The following KAZN variants were observed in gnomAD, a reference collection of about 807,000 sequenced individuals.
The protein encoded by KAZN is kazrin, periplakin interacting protein.
Under a neutral mutation model 87.4 loss-of-function variants are expected in KAZN, and 40 were observed. The observed-to-expected ratio is 0.46, with a 90% CI of 0.36 to 0.60. The LOEUF is 0.60. Among genes scored for constraint, KAZN ranks in the 20% least tolerant of loss-of-function variants. KAZN has a pLI of 0.00. For missense variants in KAZN, 898 were observed against 1,073.9 expected, an observed-to-expected ratio of 0.84 and a Z score of 2.29; for synonymous variants, 466 against 458.3, an observed-to-expected ratio of 1.02 and a Z score of -0.22.
intron 2 of KAZN, among the ~76,000 whole-genome samples, chr1:14,290,933 G>C (rs1174479555): frequency 1.3e-5 from 2 of 152,188 alleles, no homozygotes; most frequent in Non-Finnish European, 2.9e-5. Flanking sequence ...CTAACAGTCA[G>C]GTCCCTCAGC....
chr1:14,312,858 C>G (rs1014576734), intron 2 of KAZN, among the ~76,000 whole-genome samples: 4 of 152,054 alleles, frequency 2.6e-5, no homozygotes, highest in Admixed American at 2.6e-4. Flanking sequence ...GATCCTCAGT[C>G]CTTAAAATAT....
intron 1 of KAZN, among the ~76,000 whole-genome samples, chr1:14,868,395 G>A (rs1651772971): frequency 6.6e-6 from 1 of 152,202 alleles, no homozygotes; most frequent in Admixed American, 6.5e-5. Context: ...CCTGGGATGG[G>A]AGCCATTTTA....
chr1:14,560,715 GATA>G lies in KAZN; in HGVS notation c.250-38265_250-38263del, dbSNP rs373846712. 1.5e-3 allele frequency among the ~76,000 whole-genome samples: 230 copies of G among 152,246 alleles called. 1 individual carries two copies. Among genetic ancestry groups the G allele is most frequent in the African/African-American group, 5.1e-3 (211 of 41,540 alleles). ...TAACAGTGGTGGTGGTGATGATGATGATAATGATGATGTGAAGAAGGAGAAGAT... is the reference window on the plus strand; with the variant it reads ...TAACAGTGGTGGTGGTGATGATGATGATGATGATGTGAAGAAGGAGAAGAT... On this transcript the variant is annotated intron_variant, in intron 2 of 16. Transcript: ENST00000636203.
intron 1 of KAZN, among the ~76,000 whole-genome samples, chr1:14,071,267 C>G (rs1406700523): frequency 2.0e-5 from 3 of 152,134 alleles, no homozygotes; most frequent in Admixed American, 1.3e-4. Flanking sequence ...ACTAGTAGGT[C>G]TCATCTATGT....
At chr1:15,088,577 G>A (rs545350362) in intron 8 of KAZN, among the ~76,000 whole-genome samples, 59 of 152,278 alleles carry the variant, frequency 3.9e-4, no homozygotes, top group African/African-American at 1.3e-3. Context: ...CCATCAACAT[G>A]AGTTATTCCC....
At chr1:14,468,408 T>TG (rs1668277713) in intron 2 of KAZN, among the ~76,000 whole-genome samples, 1 of 152,134 alleles carries the variant, frequency 6.6e-6, no homozygotes, top group African/African-American at 2.4e-5. Context: ...AGGAACTACA[T>TG]GGGGCTCTCA....
chr1:14,837,715 A>G (rs1449051927), intron 1 of KAZN, among the ~76,000 whole-genome samples: 1 of 151,310 alleles, frequency 6.6e-6, no homozygotes, highest in East Asian at 1.9e-4. Context: ...CCACCCCTGG[A>G]TAATTATTAT....
At chr1:15,048,766 T>G (rs1673934967) in intron 4 of KAZN, among the ~76,000 whole-genome samples, 1 of 146,090 alleles carries the variant, frequency 6.8e-6, no homozygotes, top group Non-Finnish European at 1.5e-5. Context: ...TCCTGGGTCG[T>G]CGATCCTGGG....
At chr1:14,113,491 A>T (rs1644543598) in intron 1 of KAZN, among the ~76,000 whole-genome samples, 2 of 152,332 alleles carry the variant, frequency 1.3e-5, no homozygotes, top group South Asian at 4.1e-4. Flanking sequence ...AAGGAAGGTG[A>T]CCGGAGACGT....
At chr1:14,230,630 A>G (rs1647728929) in intron 2 of KAZN, among the ~76,000 whole-genome samples, 1 of 152,200 alleles carries the variant, frequency 6.6e-6, no homozygotes, top group African/African-American at 2.4e-5. Context: ...ATAATGGGAT[A>G]GAACAAGTTT....
chr1:14,338,183 A>T (rs1657409936), intron 2 of KAZN, among the ~76,000 whole-genome samples: 2 of 152,070 alleles, frequency 1.3e-5, no homozygotes, highest in South Asian at 4.1e-4. Flanking sequence ...GGTTAAGAAC[A>T]TGTGAACAGG....
At chr1:15,100,427 G>A (rs545322323) in intron 10 of KAZN, among the ~76,000 whole-genome samples, 15 of 152,292 alleles carry the variant, frequency 9.8e-5, no homozygotes, top group African/African-American at 3.6e-4. Flanking sequence ...CATACTGATG[G>A]CTTCGTGGCC....
chr1:14,399,306 C>T (rs754583304), intron 2 of KAZN, among the ~76,000 whole-genome samples: 2 of 152,062 alleles, frequency 1.3e-5, no homozygotes, highest in African/African-American at 2.4e-5. Flanking sequence ...CATGGGCCAC[C>T]GCACTCAACC....
intron 2 of KAZN, among the ~76,000 whole-genome samples, chr1:15,002,660 A>C (rs749415579): frequency 5.3e-5 from 8 of 151,994 alleles, no homozygotes; most frequent in Non-Finnish European, 1.2e-4. Context: ...ATGAATATTA[A>C]ATCTTTTATT....
At chr1:14,420,872 G>A (rs12733145) in intron 2 of KAZN, among the ~76,000 whole-genome samples, 13,026 of 127,910 alleles carry the variant, frequency 0.1, 721 homozygotes, top group East Asian at 0.22. Flanking sequence ...CCCGGTTGCC[G>A]CCCGCACCTC....
At chr1:14,258,167 AAAACT>A (rs1245985277) in intron 2 of KAZN, among the ~76,000 whole-genome samples, 1 of 134,476 alleles carries the variant, frequency 7.4e-6, no homozygotes, top group Non-Finnish European at 1.7e-5. Flanking sequence ...AAACTGTCCC[AAAACT>A]GTATTTTGGG....
intron 2 of KAZN, among the ~76,000 whole-genome samples, chr1:14,392,019 G>A (rs1271989386): frequency 6.6e-6 from 1 of 152,156 alleles, no homozygotes. Context: ...CTGGCATCCA[G>A]GAATATGACA....
chr1:15,039,029 A>G (rs1672641438), intron 3 of KAZN, among the ~76,000 whole-genome samples: 1 of 148,858 alleles, frequency 6.7e-6, no homozygotes, highest in African/African-American at 2.4e-5. Flanking sequence ...GCAGATGTTT[A>G]TTGTGCATCT....
intron 1 of KAZN, among the ~76,000 whole-genome samples, chr1:13,937,205 C>T (rs12074144): frequency 0.094 from 14,255 of 152,108 alleles, 752 homozygotes; most frequent in Middle Eastern, 0.14. Flanking sequence ...TGCCACCACA[C>T]CCGGCTAATT....
Sources: gnomAD v4.1 joint callset for allele counts (sites outside exome capture counted in the v4.1 genomes callset) on GRCh38, gnomAD v4.1.1 for gene constraint, MANE v1.5 for transcripts, NCBI Gene and HGNC (gene_info 2026-07-23, HGNC 2026-07-21) for gene names.